ENTPD5: variants seen among roughly 807,000 people sequenced by gnomAD.
ENTPD5 encodes the protein nucleoside diphosphate phosphatase ENTPD5.
In ENTPD5, 49 loss-of-function variants were observed where a neutral mutation model predicts 60.2. The ratio of observed to expected loss-of-function variants is 0.81; its 90% confidence interval spans 0.65 to 1.03. The LOEUF (loss-of-function observed/expected upper bound fraction) is 1.03. Among genes scored for constraint, ENTPD5 ranks in the 50% least tolerant of loss-of-function variants. ENTPD5 has a pLI of 0.00. For missense variants in ENTPD5, 480 were observed against 507.6 expected, an observed-to-expected ratio of 0.95 and a Z score of 0.52; for synonymous variants, 187 against 185.4, an observed-to-expected ratio of 1.01 and a Z score of -0.07.
rs1012063817 is a variant in ENTPD5 at position 74,011,138 on chromosome 14, T to C, written c.-118A>G. 2.3e-6 allele frequency: 2 copies of C among 888,186 alleles called. No individual in the cohort carries two copies. Among genetic ancestry groups the C allele is most frequent in the Middle Eastern group, 5.7e-4 (1 of 1,754 alleles). The allele number at this position is 888,186 out of a possible 1,614,324, so 55.0% of individuals were successfully genotyped here. A position where few individuals can be genotyped will look rare whatever the true frequency, so the allele number is the denominator to read the frequency against. The stretch of plus-strand genomic sequence containing the variant: ...TTTTCTCCTTGGTTCCTTTATTATA[T>C]CACTTTTTCAACCTGTGTAAGATGG... On this transcript the variant is annotated 5_prime_UTR_variant, in exon 3 of 16. Coordinates refer to ENST00000334696, the MANE Select transcript of ENTPD5 (RefSeq NM_001249.5).
chr14:73,959,967 T>C, downstream of ENTPD5: 1 of 1,068,334 alleles, frequency 9.4e-7, no homozygotes, highest in Non-Finnish European at 1.1e-6. Flanking sequence ...TGGAGGAGTG[T>C]ACACACGGAA....
chr14:73,963,245 C>CTTT lies in ENTPD5; in HGVS notation c.*3680_*3682dup. 1.8e-6 allele frequency: 1 copy of CTTT among 566,740 alleles called. No homozygotes were observed. The highest frequency in any genetic ancestry group is 2.6e-5 in the South Asian group (1 of 38,998). 35.1% of individuals were successfully genotyped at this position (566,740 alleles called of 1,614,324 possible). A position where few individuals can be genotyped will look rare whatever the true frequency, so the allele number is the denominator to read the frequency against. Reference sequence around the variant, plus strand: ...AGACTTACAATTTGGTTGAAAAGAGCTTTTTATTACTAAAAAACCCACAAG... The same window carrying CTTT: ...AGACTTACAATTTGGTTGAAAAGAGCTTTTTTTTATTACTAAAAAACCCACAAG... On this transcript the variant is annotated 3_prime_UTR_variant, in exon 16 of 16. Transcript: ENST00000334696.
intron 1 of ENTPD5, among the ~76,000 whole-genome samples, chr14:74,016,355 G>C (rs1011954038): frequency 1.3e-5 from 2 of 152,068 alleles, no homozygotes; most frequent in African/African-American, 4.8e-5. Flanking sequence ...AAATAAACTA[G>C]GCCAAGTGTG....
rs79409452 is a variant in ENTPD5 at position 74,014,781 on chromosome 14, G to A, written c.-131+1043C>T. 6.9e-3 allele frequency among the ~76,000 whole-genome samples: 1,056 copies of A among 152,158 alleles called. 15 individuals carry two copies. Among genetic ancestry groups the A allele is most frequent in the African/African-American group, 0.024 (1,017 of 41,554 alleles). ...TTGCAGCACATGCAATAAAAAAGCA[G>A]GATGAAAGTAACTCCTGGCCAGGTG... On this transcript the variant is annotated intron_variant, in intron 2 of 15. Transcript: ENST00000334696.
downstream of ENTPD5, chr14:73,960,387 T>C (rs142884040): frequency 5.2e-4 from 514 of 987,666 alleles, 5 homozygotes; most frequent in African/African-American, 8.4e-3. Flanking sequence ...TTGGATAATA[T>C]GGGTACCAGT....
downstream of ENTPD5, chr14:73,959,896 A>G (rs2056631370): frequency 4.1e-6 from 5 of 1,209,638 alleles, no homozygotes; most frequent in Non-Finnish European, 5.2e-6. Context: ...GTCAGGAAAA[A>G]GGAGTAACCA....
At chr14:73,976,087 T>C in intron 9 of ENTPD5, 72 bp from the exon 10 acceptor site, 1 of 1,266,024 alleles carries the variant, frequency 7.9e-7, no homozygotes, top group Non-Finnish European at 1.1e-6. Flanking sequence ...CCACCACCCG[T>C]CCCTCCCAGC....
At chr14:74,003,859 G>A (rs2058585681) in intron 3 of ENTPD5, among the ~76,000 whole-genome samples, 1 of 152,198 alleles carries the variant, frequency 6.6e-6, no homozygotes, top group African/African-American at 2.4e-5. Context: ...ACACTTGGGA[G>A]GCTAAGGCAG....
downstream of ENTPD5, chr14:73,960,578 C>T (rs1370273245): frequency 7.8e-6 from 8 of 1,028,814 alleles, no homozygotes; most frequent in Non-Finnish European, 8.2e-6. Context: ...GGTCTAGGTC[C>T]TCTGCAGTGC....
Position 73,987,881 on chromosome 14 carries a change from C to T in ENTPD5, c.217+5G>A, listed in dbSNP as rs1034062767. On this transcript the variant is annotated splice_donor_5th_base_variant and intron_variant, in intron 4 of 15. Transcript: ENST00000334696. ...GACTCTACTAAGGGTCCCAGTTGCA[C>T]TTACCTGGCATTTTCTGCACAAAGG... 5.0e-6 allele frequency: 8 copies of T among 1,614,030 alleles called. No individual in the cohort carries two copies. In the East Asian group the frequency reaches 1.8e-4, roughly 36 times the overall value.
chr14:74,015,261 C>T (rs2058981614), intron 2 of ENTPD5, among the ~76,000 whole-genome samples: 1 of 151,900 alleles, frequency 6.6e-6, no homozygotes, highest in African/African-American at 2.4e-5. Context: ...GAAACATGGC[C>T]TCTAAGGTAA....
chr14:73,973,773 C>A, intron 12 of ENTPD5, 104 bp downstream of exon 12: 2 of 941,536 alleles, frequency 2.1e-6, no homozygotes, highest in Non-Finnish European at 3.4e-6. Flanking sequence ...TAAGTCCCTG[C>A]AACAAGATAA....
rs2056879313 is a variant in ENTPD5, at chr14:73,964,201, G to A, written c.*2727C>T. 3 of 152,098 alleles carry A rather than the reference G, an allele frequency of 2.0e-5. 1 individual carries two copies. The South Asian group carries it at 6.2e-4, about 32-fold the overall frequency. The allele number at this position is 152,098 out of a possible 1,614,324, so 9.4% of individuals were successfully genotyped here. On this transcript the variant is annotated 3_prime_UTR_variant, in exon 16 of 16. Transcript: ENST00000334696. ...ACACCTCCATTGGCCCACAGAGAGT[G>A]TTCTTCATATGACAATGATGTTAAA...
intron 3 of ENTPD5, among the ~76,000 whole-genome samples, chr14:74,005,426 C>G (rs1291389984): frequency 1.3e-5 from 2 of 149,718 alleles, no homozygotes; most frequent in African/African-American, 4.9e-5. Flanking sequence ...CTCTCAAACT[C>G]CTGGCCTCAA....
downstream of ENTPD5, chr14:73,960,206 A>T (rs984190186): frequency 5.1e-6 from 5 of 988,202 alleles, no homozygotes; most frequent in Non-Finnish European, 6.0e-6. Context: ...CATGGGGCTT[A>T]AGAGTAAGCT....
intron 2 of ENTPD5, among the ~76,000 whole-genome samples, chr14:74,011,676 T>A (rs1006101768): frequency 6.6e-6 from 1 of 152,158 alleles, no homozygotes; most frequent in African/African-American, 2.4e-5. Flanking sequence ...CATGTGCCTG[T>A]AGTCCCAGCT....
intron 12 of ENTPD5, 101 bp from the exon 13 acceptor site, chr14:73,973,125 G>A (rs2057300023): frequency 1.1e-5 from 16 of 1,410,896 alleles, no homozygotes; most frequent in Middle Eastern, 4.5e-4. Context: ...ACAGCAGGAA[G>A]GTCAAGGAAA....
chr14:73,958,626 T>G, downstream of ENTPD5: 1 of 1,290,378 alleles, frequency 7.7e-7, no homozygotes, highest in Non-Finnish European at 9.9e-7. Context: ...CTTCCCTTTT[T>G]GCATGGTAGC....
intron 2 of ENTPD5, among the ~76,000 whole-genome samples, chr14:74,013,024 C>T (rs1017090711): frequency 6.6e-6 from 1 of 152,142 alleles, no homozygotes; most frequent in African/African-American, 2.4e-5. Context: ...TACAATAACC[C>T]TCTGCTCTAG....
Sources: gnomAD v4.1 joint callset for allele counts (sites outside exome capture counted in the v4.1 genomes callset) on GRCh38, gnomAD v4.1.1 for gene constraint, MANE v1.5 for transcripts, NCBI Gene and HGNC (gene_info 2026-07-23, HGNC 2026-07-21) for gene names.